Variants in IPMK observed in about 807,000 individuals in gnomAD.
IPMK encodes the protein inositol 1,3,4,6-tetrakisphosphate 5-kinase.
In IPMK, 17 loss-of-function variants were observed where a neutral mutation model predicts 45.8. That is an observed-to-expected ratio of 0.37 (90% CI 0.25 to 0.56). The LOEUF (loss-of-function observed/expected upper bound fraction) is 0.56. Ranked by LOEUF, IPMK falls within the 20% of genes least tolerant of loss-of-function variation. IPMK has a pLI of 0.79. For missense variants in IPMK, 399 were observed against 498.0 expected, an observed-to-expected ratio of 0.80 and a Z score of 1.89; for synonymous variants, 180 against 184.3, an observed-to-expected ratio of 0.98 and a Z score of 0.19.
intron 2 of IPMK, among the ~76,000 whole-genome samples, chr10:58,234,047 A>T (rs1342379636): frequency 3.3e-5 from 5 of 152,232 alleles, no homozygotes; most frequent in Non-Finnish European, 7.3e-5. Flanking sequence ...CCAAATCATG[A>T]GTGAACTCCC....
At chr10:58,227,195 G>T in intron 2 of IPMK, 56 bp from the exon 3 acceptor site, 3 of 1,205,656 alleles carry the variant, frequency 2.5e-6, no homozygotes, top group Non-Finnish European at 3.6e-6. Flanking sequence ...TAACTGCCCT[G>T]CACATTTCTC....
At chr10:58,206,404 T>C (rs1462468831) in intron 4 of IPMK, among the ~76,000 whole-genome samples, 1 of 152,190 alleles carries the variant, frequency 6.6e-6, no homozygotes, top group Non-Finnish European at 1.5e-5. Context: ...AGTCTATGAA[T>C]TGATTAAAAC....
In IPMK at chr10:58,197,326, A is replaced by AATAAATAAATAAATAAATAAATAAATAC. The variant is rs764500371; in HGVS notation, c.629-629_629-628insGTATTTATTTATTTATTTATTTATTTAT. ...AAATAAATAAATAAATAAATAAATAAATACATAAATACATAAACACATAAA... is the reference window on the plus strand; with the variant it reads ...AAATAAATAAATAAATAAATAAATAAATAAATAAATAAATAAATAAATAAATACATACATAAATACATAAACACATAAA... On this transcript the variant is annotated intron_variant, in intron 5 of 5. Coordinates refer to ENST00000373935, the MANE Select transcript of IPMK (RefSeq NM_152230.5). Among the ~76,000 whole-genome samples, 121 of 146,506 alleles carry AATAAATAAATAAATAAATAAATAAATAC rather than the reference A, an allele frequency of 8.3e-4. 1 individual carries two copies. Among genetic ancestry groups the AATAAATAAATAAATAAATAAATAAATAC allele is most frequent in the African/African-American group, 3.0e-3 (115 of 37,994 alleles).
At chr10:58,233,101 C>A (rs180838339) in intron 2 of IPMK, among the ~76,000 whole-genome samples, 225 of 152,256 alleles carry the variant, frequency 1.5e-3, no homozygotes, top group Middle Eastern at 3.4e-3. Flanking sequence ...GACATATACA[C>A]CCTGCTAAGA....
intron 1 of IPMK, among the ~76,000 whole-genome samples, chr10:58,243,135 G>A (rs2132168704): frequency 6.6e-6 from 1 of 151,592 alleles, no homozygotes; most frequent in East Asian, 1.9e-4. Context: ...CACTATCCTA[G>A]GAAAAAAATC....
chr10:58,253,193 T>C (rs1838910979), intron 1 of IPMK, among the ~76,000 whole-genome samples: 1 of 152,190 alleles, frequency 6.6e-6, no homozygotes, highest in African/African-American at 2.4e-5. Context: ...CCTGCCGCTA[T>C]GTAAAATATG....
rs1837831761 is a variant in IPMK at position 58,192,487 on chromosome 10, C to G, written c.*3589G>C. ...GAGGTTACAATACTGTAAAATATTA[C>G]TTCTAACTTCAACTATTGTTAGATG... is the stretch of plus-strand genomic sequence containing the variant. On this transcript the variant is annotated 3_prime_UTR_variant, in exon 6 of 6. Coordinates refer to ENST00000373935, the MANE Select transcript of IPMK (RefSeq NM_152230.5). 5 of 152,006 alleles carry G rather than the reference C, an allele frequency of 3.3e-5. No homozygotes were observed. The allele number at this position is 152,006 out of a possible 1,614,324, so 9.4% of individuals were successfully genotyped here.
intron 1 of IPMK, among the ~76,000 whole-genome samples, chr10:58,242,350 C>T (rs1307791246): frequency 1.3e-5 from 2 of 151,456 alleles, no homozygotes; most frequent in Non-Finnish European, 2.9e-5. Flanking sequence ...GTCTCAGCTA[C>T]TCGGGAGGCT....
intron 1 of IPMK, among the ~76,000 whole-genome samples, chr10:58,254,744 C>T (rs1335255164): frequency 6.6e-6 from 1 of 152,186 alleles, no homozygotes; most frequent in Non-Finnish European, 1.5e-5. Context: ...GTTGTTTCTT[C>T]CTGTTCAGTG....
intron 3 of IPMK, among the ~76,000 whole-genome samples, chr10:58,225,301 G>A (rs1263455627): frequency 3.3e-5 from 5 of 152,080 alleles, no homozygotes; most frequent in Non-Finnish European, 5.9e-5. Context: ...AGAAGAAAAC[G>A]TGGAGCTCAA....
At chr10:58,253,155 T>C (rs369394580) in intron 1 of IPMK, among the ~76,000 whole-genome samples, 9 of 152,300 alleles carry the variant, frequency 5.9e-5, no homozygotes, top group African/African-American at 2.2e-4. Flanking sequence ...GTTTTATAAA[T>C]GGAAGTTCCA....
At chr10:58,235,057 C>G (rs1838587733) in intron 2 of IPMK, among the ~76,000 whole-genome samples, 1 of 152,178 alleles carries the variant, frequency 6.6e-6, no homozygotes. Context: ...TCAACAGACA[C>G]ATGAAAAAAT....
intron 4 of IPMK, among the ~76,000 whole-genome samples, chr10:58,200,210 C>T (rs1355919673): frequency 7.9e-5 from 12 of 152,176 alleles, no homozygotes; most frequent in South Asian, 2.1e-4. Flanking sequence ...CCCCTGCCTC[C>T]GGGATTCAAG....
chr10:58,242,459 CAAAAA>C (rs1377487096), intron 1 of IPMK, among the ~76,000 whole-genome samples: 1 of 45,076 alleles, frequency 2.2e-5, no homozygotes. Flanking sequence ...GACTCCGTCT[CAAAAA>C]AAAAAAAAAA....
At chr10:58,244,289 G>A (rs1457006441) in intron 1 of IPMK, among the ~76,000 whole-genome samples, 3 of 88,690 alleles carry the variant, frequency 3.4e-5, no homozygotes, top group African/African-American at 4.8e-5. Flanking sequence ...CCGCCCCGTC[G>A]GGGAAGTGGG....
At chr10:58,198,849 AATGCTACAACACATATTTT>A (rs1033769729) in intron 5 of IPMK, among the ~76,000 whole-genome samples, 17 of 152,304 alleles carry the variant, frequency 1.1e-4, no homozygotes, top group Non-Finnish European at 1.9e-4. Context: ...AAATACATTA[AATGCTACAACACATATTTT>A]AAAGCCTCTT....
chr10:58,196,481 T>C lies in IPMK; in HGVS notation c.846A>G (p.Gln282=), dbSNP rs774063548. ...ACTCTAGTACTTCTGTGTCTGACAG[T>C]TGTCCTTTGGACAAAAACTTTTCTG... ...TLAEKFLSKG[Q]LSDTEVLEYN... Residue 282 remains glutamine, a synonymous_variant, in exon 6 of 6, where the codon CAA becomes CAG. Transcript: ENST00000373935. 17 of 1,614,108 alleles carry C rather than the reference T, an allele frequency of 1.1e-5. No homozygotes were observed. In the South Asian group the frequency reaches 1.8e-4, roughly 17 times the overall value.
chr10:58,260,234 A>G (rs997568582), intron 1 of IPMK, among the ~76,000 whole-genome samples: 3 of 152,236 alleles, frequency 2.0e-5, no homozygotes, highest in African/African-American at 7.2e-5. Context: ...TCATACACCT[A>G]TACTCTTCAA....
chr10:58,220,184 G>A (rs1366895318), intron 3 of IPMK, among the ~76,000 whole-genome samples: 1 of 152,174 alleles, frequency 6.6e-6, no homozygotes, highest in African/African-American at 2.4e-5. Flanking sequence ...AAGTCCCTTG[G>A]TAGGGAGGGG....
Sources: allele counts gnomAD v4.1 joint callset (sites outside exome capture counted in the v4.1 genomes callset), GRCh38; gene constraint gnomAD v4.1.1; transcripts MANE v1.5; gene names NCBI Gene and HGNC (gene_info 2026-07-23, HGNC 2026-07-21).